Variants in CLEC2L observed in about 807,000 individuals in gnomAD.
CLEC2L encodes C-type lectin domain family 2, member L.
Under a neutral mutation model 23.6 loss-of-function variants are expected in CLEC2L, and 14 were observed. The observed-to-expected ratio is 0.59, with a 90% CI of 0.39 to 0.93. The LOEUF (loss-of-function observed/expected upper bound fraction) is 0.93, where lower values mean the gene tolerates loss of function less well. CLEC2L is among the 40% of genes least tolerant of loss of function. The probability of loss-of-function intolerance (pLI) is 0.00; values close to 1 mark genes in which losing one functional copy is unlikely to be tolerated. For synonymous variants in CLEC2L, 114 were observed against 121.3 expected (o/e 0.94, Z 0.40); for missense variants, 264 against 282.4 (o/e 0.93, Z 0.47).
At chr7:139,537,215 TAG>T (rs1797672026) in intron 2 of CLEC2L, among the ~76,000 whole-genome samples, 1 of 151,914 alleles carries the variant, frequency 6.6e-6, no homozygotes, top group Non-Finnish European at 1.5e-5. Context: ...GATTAGGAGG[TAG>T]AGAGTGCTAG....
At chr7:139,538,895 A>G (rs1797697986) in intron 2 of CLEC2L, among the ~76,000 whole-genome samples, 1 of 152,258 alleles carries the variant, frequency 6.6e-6, no homozygotes, top group African/African-American at 2.4e-5. Context: ...GAGAATGTGT[A>G]GACATAGCTA....
intron 1 of CLEC2L, chr7:139,534,405 CAGTT>C (rs1307337318): frequency 2.2e-6 from 2 of 919,778 alleles, no homozygotes; most frequent in Non-Finnish European, 3.7e-6. Flanking sequence ...TGACATCAGT[CAGTT>C]GTTTGATTTC....
chr7:139,538,684 G>C (rs773937283), intron 2 of CLEC2L, among the ~76,000 whole-genome samples: 3 of 152,200 alleles, frequency 2.0e-5, no homozygotes, highest in Non-Finnish European at 4.4e-5. Context: ...GGGAGGCAGA[G>C]GTTGCAGTGA....
intron 2 of CLEC2L, among the ~76,000 whole-genome samples, chr7:139,537,936 G>A (rs1357453534): frequency 6.6e-6 from 1 of 152,210 alleles, no homozygotes; most frequent in Non-Finnish European, 1.5e-5. Flanking sequence ...TTACTTTTAA[G>A]AGATTCAAAT....
Position 139,523,786 on chromosome 7 carries a change from C to T in CLEC2L, c.-142C>T, listed in dbSNP as rs1797463618. 2.3e-6 allele frequency: 1 copy of T among 426,968 alleles called. No homozygotes were observed. The highest frequency in any genetic ancestry group is 2.1e-5 in the African/African-American group (1 of 46,642). 26.4% of individuals were successfully genotyped at this position (426,968 alleles called of 1,614,324 possible). A position where few individuals can be genotyped will look rare whatever the true frequency, so the allele number is the denominator to read the frequency against. On this transcript the variant is annotated 5_prime_UTR_variant, in exon 1 of 5. Coordinates refer to ENST00000422142, the MANE Select transcript of CLEC2L (RefSeq NM_001080511.4). The surrounding 1 kb of genome is among the most constrained non-coding windows in gnomAD (Gnocchi z 4.1). ...TCCAGCGCGGGGAGCCGGGCTCAGC[C>T]CCGGCCTGCCAGCGCCGCGGTCCTA... is the stretch of plus-strand genomic sequence containing the variant.
At chr7:139,533,488 T>C (rs1797609220) in intron 1 of CLEC2L, among the ~76,000 whole-genome samples, 1 of 152,158 alleles carries the variant, frequency 6.6e-6, no homozygotes, top group African/African-American at 2.4e-5. Context: ...ATCGAGTAGC[T>C]GGGATTACAG....
intron 1 of CLEC2L, among the ~76,000 whole-genome samples, chr7:139,531,646 T>A (rs2116309806): frequency 6.6e-6 from 1 of 152,274 alleles, no homozygotes; most frequent in African/African-American, 2.4e-5. Flanking sequence ...TGGTGGCTCA[T>A]GCCTGTAATC....
intron 1 of CLEC2L, among the ~76,000 whole-genome samples, chr7:139,528,555 C>T (rs1268572509): frequency 1.3e-5 from 2 of 151,334 alleles, no homozygotes; most frequent in African/African-American, 4.8e-5. Context: ...GTGAGACTTA[C>T]TCACTATCAC....
chr7:139,544,277 A>C lies in CLEC2L; in HGVS notation c.580A>C (p.Arg194=), dbSNP rs199692976. The change falls in exon 5 of 5, where the codon AGG becomes CGG. Residue 194 remains arginine, a synonymous_variant. Coordinates refer to ENST00000422142, the MANE Select transcript of CLEC2L (RefSeq NM_001080511.4). The part of the protein sequence containing the change: ...PGECVFVEPT[R]LVSTECLMTR... ...GGAGTGTGTCTTCGTGGAGCCCACC[A>C]GGCTGGTGTCGACGGAGTGTCTGAT... The C allele has an allele frequency of 1.1e-4, 183 of 1,613,542 alleles. 1 individual carries two copies. In the African/African-American group the frequency reaches 2.1e-3, roughly 19 times the overall value.
chr7:139,538,017 A>G (rs779273280), intron 2 of CLEC2L, among the ~76,000 whole-genome samples: 2 of 152,210 alleles, frequency 1.3e-5, no homozygotes, highest in Non-Finnish European at 2.9e-5. Flanking sequence ...TCTTTGAGAA[A>G]TGCCATAAGA....
intron 1 of CLEC2L, among the ~76,000 whole-genome samples, chr7:139,533,120 A>G (rs1797603137): frequency 6.6e-6 from 1 of 152,216 alleles, no homozygotes; most frequent in Non-Finnish European, 1.5e-5. Context: ...CAAAGTATCA[A>G]GCTAATACAA....
chr7:139,527,398 C>T (rs767196162), intron 1 of CLEC2L, among the ~76,000 whole-genome samples: 1 of 152,184 alleles, frequency 6.6e-6, no homozygotes, highest in Non-Finnish European at 1.5e-5. Context: ...ACGTTTCCCT[C>T]CTTATGGGTT....
In CLEC2L at chr7:139,540,495, T is replaced by G; in HGVS notation, c.432+8T>G. 3 of 1,581,488 alleles carry G rather than the reference T, an allele frequency of 1.9e-6. No individual in the cohort carries two copies. Among genetic ancestry groups the G allele is most frequent in the Non-Finnish European group, 2.6e-6 (3 of 1,164,182 alleles). Reference sequence around the variant, plus strand: ...CAGAGCCAGAAGGAGCTGGTGAGTGTGCCAAGGTGAAGGGGGTTGGGGGAA... The same window carrying G: ...CAGAGCCAGAAGGAGCTGGTGAGTGGGCCAAGGTGAAGGGGGTTGGGGGAA... On this transcript the variant is annotated splice_region_variant and intron_variant, in intron 3 of 4. Coordinates refer to ENST00000422142, the MANE Select transcript of CLEC2L (RefSeq NM_001080511.4). This position sits in a 1 kb window ranked among gnomAD's most constrained non-coding sequence, Gnocchi z 5.8.
At chr7:139,538,876 G>A (rs900940088) in intron 2 of CLEC2L, among the ~76,000 whole-genome samples, 1 of 152,236 alleles carries the variant, frequency 6.6e-6, no homozygotes. Flanking sequence ...TTACTAGGTT[G>A]GGAGGCCAGA....
In CLEC2L at chr7:139,544,461, G is replaced by A. The variant is rs1409074321; in HGVS notation, c.*119G>A. On this transcript the variant is annotated 3_prime_UTR_variant, in exon 5 of 5. Transcript: ENST00000422142. ...TGCAAGGCGAAGCGGTGGGTGCGTGGCCTCCGCCCCAGGCCCCTCTCCCAG... is the reference window on the plus strand; with the variant it reads ...TGCAAGGCGAAGCGGTGGGTGCGTGACCTCCGCCCCAGGCCCCTCTCCCAG... 12 of 688,778 alleles carry A rather than the reference G, an allele frequency of 1.7e-5. No individual in the cohort carries two copies. The highest frequency in any genetic ancestry group is 2.7e-5 in the Non-Finnish European group (11 of 406,848). The allele number at this position is 688,778 out of a possible 1,614,324, so 42.7% of individuals were successfully genotyped here. A position where few individuals can be genotyped will look rare whatever the true frequency, so the allele number is the denominator to read the frequency against.
intron 2 of CLEC2L, among the ~76,000 whole-genome samples, chr7:139,536,890 G>T (rs937468219): frequency 2.9e-4 from 43 of 148,930 alleles, no homozygotes; most frequent in African/African-American, 1.0e-3. Flanking sequence ...CAGGAGAATC[G>T]CTGGAACCTG....
At chr7:139,527,084 C>T (rs951627592) in intron 1 of CLEC2L, among the ~76,000 whole-genome samples, 2 of 152,372 alleles carry the variant, frequency 1.3e-5, no homozygotes, top group East Asian at 3.9e-4. Context: ...CATCAAGCAC[C>T]TGCTACGTGC....
In CLEC2L at chr7:139,534,480, C is replaced by A. The variant is rs1043051108; in HGVS notation, c.191-1794C>A. 6 of 784,664 alleles carry A rather than the reference C, an allele frequency of 7.6e-6. No homozygotes were observed. The South Asian group carries it at 8.0e-5, about 11-fold the overall frequency. The allele number at this position is 784,664 out of a possible 1,614,324, so 48.6% of individuals were successfully genotyped here. On this transcript the variant is annotated intron_variant, in intron 1 of 4. Transcript: ENST00000422142. ...CCGAGCTGATACCCAGACATACCAG[C>A]CTTATAAAAAAAGACTGGATTAAAG...
intron 1 of CLEC2L, among the ~76,000 whole-genome samples, chr7:139,535,660 G>C (rs1797642474): frequency 6.6e-6 from 1 of 152,116 alleles, no homozygotes; most frequent in Non-Finnish European, 1.5e-5. Flanking sequence ...ATAACAAAGA[G>C]AGAACCCAGA....
Sources: allele counts gnomAD v4.1 joint callset (sites outside exome capture counted in the v4.1 genomes callset), GRCh38; gene constraint gnomAD v4.1.1; non-coding constraint Gnocchi (gnomAD v3.1); transcripts MANE v1.5; gene names NCBI Gene and HGNC (gene_info 2026-07-23, HGNC 2026-07-21).